ARHGEF33: variants seen among roughly 807,000 people sequenced by gnomAD.
ARHGEF33 encodes the protein Rho guanine nucleotide exchange factor 33.
In ARHGEF33, 72 loss-of-function variants were observed where a neutral mutation model predicts 101.9. The ratio of observed to expected loss-of-function variants is 0.71; its 90% confidence interval spans 0.58 to 0.86. ARHGEF33 has a LOEUF of 0.86. Among genes scored for constraint, ARHGEF33 ranks in the 40% least tolerant of loss-of-function variants. ARHGEF33 has a pLI of 0.00. For missense variants in ARHGEF33, 1,169 were observed against 1,111.3 expected (o/e 1.05, Z -0.74); for synonymous variants, 499 against 442.5 (o/e 1.13, Z -1.60).
intron 2 of ARHGEF33, among the ~76,000 whole-genome samples, chr2:38,916,760 T>C (rs538709461): frequency 6.6e-6 from 1 of 152,262 alleles, no homozygotes; most frequent in Non-Finnish European, 1.5e-5. Flanking sequence ...TAAAGGTCTT[T>C]TTCTTTTGGT....
chr2:38,920,431 G>C (rs1286862897), intron 3 of ARHGEF33, among the ~76,000 whole-genome samples: 2 of 97,514 alleles, frequency 2.1e-5, no homozygotes, highest in Admixed American at 1.6e-4. Flanking sequence ...TTTTGAGACA[G>C]AGTTTCGCTC....
intron 16 of ARHGEF33, among the ~76,000 whole-genome samples, chr2:38,965,617 G>T (rs1353291782): frequency 6.6e-6 from 1 of 152,108 alleles, no homozygotes; most frequent in East Asian, 1.9e-4. Context: ...AGATAAGAGG[G>T]GACTGCTACT....
chr2:38,907,057 G>A (rs1300989224), intron 2 of ARHGEF33, among the ~76,000 whole-genome samples: 2 of 152,150 alleles, frequency 1.3e-5, no homozygotes, highest in Middle Eastern at 3.2e-3. Context: ...GTTGCCCTTT[G>A]AGGGTTGAGC....
At chr2:38,895,723 A>G (rs1666107104) in intron 1 of ARHGEF33, 54 bp from the exon 2 acceptor site, 1 of 152,052 alleles carries the variant, frequency 6.6e-6, no homozygotes, top group African/African-American at 2.4e-5. Flanking sequence ...ATGATGGTAT[A>G]AAATGCAAGG....
intron 2 of ARHGEF33, among the ~76,000 whole-genome samples, chr2:38,918,874 C>G (rs1384756196): frequency 2.0e-4 from 24 of 117,654 alleles, no homozygotes; most frequent in Non-Finnish European, 3.4e-4. Flanking sequence ...GACCCCATCT[C>G]TACAAAAAAA....
At chr2:38,961,411 C>T (rs1667936498) in intron 16 of ARHGEF33, among the ~76,000 whole-genome samples, 1 of 152,116 alleles carries the variant, frequency 6.6e-6, no homozygotes, top group South Asian at 2.1e-4. Context: ...ATTGTGGTGT[C>T]TGCAAGCCTG....
chr2:38,960,398 C>A lies in ARHGEF33; in HGVS notation c.2093C>A (p.Ala698Glu), dbSNP rs1397754156. ...SAYKLEAAAQAHGKAKPLSRS... is the reference protein window; with the variant it reads ...SAYKLEAAAQEHGKAKPLSRS... ...TACAAACTGGAGGCGGCGGCGCAGG[C>A]GCACGGCAAGGCCAAGCCGCTGAGC... The change falls in exon 16 of 18, where the codon GCG (alanine) becomes GAG (glutamate). Residue 698 changes from alanine (A) to glutamate (E), a missense_variant. Physicochemically the swap from Ala to Glu is moderately radical, Grantham distance 107. Coordinates refer to ENST00000409978, the MANE Select transcript of ARHGEF33 (RefSeq NM_001145451.5). The A allele has an allele frequency of 1.3e-6, 2 of 1,509,728 alleles. No individual in the cohort carries two copies. The highest frequency in any genetic ancestry group is 2.5e-5 in the South Asian group (2 of 80,058). 93.5% of individuals were successfully genotyped at this position (1,509,728 alleles called of 1,614,324 possible).
At chr2:38,964,870 A>T (rs998876523) in intron 16 of ARHGEF33, among the ~76,000 whole-genome samples, 4 of 152,090 alleles carry the variant, frequency 2.6e-5, no homozygotes, top group African/African-American at 7.2e-5. Flanking sequence ...AAAGTCTGGG[A>T]TGGGGCTCAA....
At chr2:38,892,994 C>G (rs1225600712) in intron 1 of ARHGEF33, among the ~76,000 whole-genome samples, 2 of 152,132 alleles carry the variant, frequency 1.3e-5, no homozygotes, top group African/African-American at 4.8e-5. Context: ...TAAACATTTT[C>G]AATGACTCAT....
chr2:38,934,449 C>T lies in ARHGEF33; in HGVS notation c.506-1326C>T, dbSNP rs1478794811. ...CTCCCTCCATCCCTCCCCCTTCTATCCCTCCCTCCCCCTTTTCTCTCTTCC... is the reference window on the plus strand; with the variant it reads ...CTCCCTCCATCCCTCCCCCTTCTATTCCTCCCTCCCCCTTTTCTCTCTTCC... On this transcript the variant is annotated intron_variant, in intron 7 of 17. Transcript: ENST00000409978. 6.3e-5 allele frequency among the ~76,000 whole-genome samples: 7 copies of T among 111,888 alleles called. No individual in the cohort carries two copies. In the East Asian group the frequency reaches 2.1e-3, roughly 33 times the overall value. The allele number at this position is 111,888 out of a possible 152,430, so 73.4% of individuals were successfully genotyped here.
At chr2:38,930,857 A>G (rs1666983356) in intron 6 of ARHGEF33, among the ~76,000 whole-genome samples, 1 of 152,248 alleles carries the variant, frequency 6.6e-6, no homozygotes, top group African/African-American at 2.4e-5. Flanking sequence ...CAACAAAAAA[A>G]TAAGAATGTG....
intron 2 of ARHGEF33, among the ~76,000 whole-genome samples, chr2:38,906,418 T>G (rs1666392411): frequency 6.6e-6 from 1 of 152,166 alleles, no homozygotes; most frequent in Non-Finnish European, 1.5e-5. Flanking sequence ...AGCCCCAGCA[T>G]GTTCTGGTCT....
rs548868472 is a variant in ARHGEF33 at position 38,900,299 on chromosome 2, A to G, written c.-86+4450A>G. Among the ~76,000 whole-genome samples the G allele has an allele frequency of 2.6e-5, 4 of 152,334 alleles. No individual in the cohort carries two copies. In the South Asian group the frequency reaches 6.2e-4, roughly 24 times the overall value. ...AATGTAGCAGAAGAGGGATTGACTA[A>G]TTATGACTTAGAGGATAGGGGCAAG... On this transcript the variant is annotated intron_variant, in intron 2 of 17. Coordinates refer to ENST00000409978, the MANE Select transcript of ARHGEF33 (RefSeq NM_001145451.5).
intron 16 of ARHGEF33, among the ~76,000 whole-genome samples, chr2:38,962,018 G>C (rs577846818): frequency 2.4e-4 from 36 of 152,280 alleles, no homozygotes; most frequent in African/African-American, 8.2e-4. Context: ...CTGCCCACCT[G>C]CACTCCAGCA....
chr2:38,918,495 G>A (rs1403074868), intron 2 of ARHGEF33, among the ~76,000 whole-genome samples: 4 of 152,080 alleles, frequency 2.6e-5, no homozygotes, highest in African/African-American at 9.7e-5. Context: ...CTTAAGAAGG[G>A]GTTAAAATGC....
chr2:38,973,877 A>G lies in ARHGEF33; in HGVS notation c.*34A>G, dbSNP rs1393661977. On this transcript the variant is annotated 3_prime_UTR_variant, in exon 18 of 18. Coordinates refer to ENST00000409978, the MANE Select transcript of ARHGEF33 (RefSeq NM_001145451.5). ...TAAAGTTGTATTGTCAAGTGGTAAG[A>G]TGAGGATAAAAAGCTTGTATATATC... is the stretch of plus-strand genomic sequence containing the variant. 2 of 1,514,642 alleles carry G rather than the reference A, an allele frequency of 1.3e-6. No homozygotes were observed. Among genetic ancestry groups the G allele is most frequent in the Non-Finnish European group, 1.8e-6 (2 of 1,129,330 alleles). 93.8% of individuals were successfully genotyped at this position (1,514,642 alleles called of 1,614,324 possible). A position where few individuals can be genotyped will look rare whatever the true frequency, so the allele number is the denominator to read the frequency against.
intron 1 of ARHGEF33, among the ~76,000 whole-genome samples, chr2:38,895,134 T>C (rs1322212626): frequency 6.6e-6 from 1 of 152,104 alleles, no homozygotes; most frequent in Non-Finnish European, 1.5e-5. Context: ...AATCTTCACA[T>C]CCACACTGTG....
At chr2:38,930,868 G>A (rs1666983663) in intron 6 of ARHGEF33, among the ~76,000 whole-genome samples, 1 of 152,166 alleles carries the variant, frequency 6.6e-6, no homozygotes, top group Admixed American at 6.5e-5. Context: ...TAAGAATGTG[G>A]ATGTTATAAT....
In ARHGEF33 at chr2:38,950,988, G is replaced by A. The variant is rs1377748941; in HGVS notation, c.921-1G>A. ...TGATTCCGTCTCTATTCTGTTTCAA[G>A]CCTCTTCCCTGGCTCTTTACGGTAC... On this transcript the variant is annotated splice_acceptor_variant, in intron 10 of 17. Transcript: ENST00000409978. LOFTEE classifies it high-confidence loss of function. The A allele has an allele frequency of 1.3e-6, 2 of 1,551,654 alleles. No homozygotes were observed. The highest frequency in any genetic ancestry group is 1.4e-5 in the African/African-American group (1 of 73,016).
Sources: gnomAD v4.1 joint callset for allele counts (sites outside exome capture counted in the v4.1 genomes callset) on GRCh38, gnomAD v4.1.1 for gene constraint, MANE v1.5 for transcripts, NCBI Gene and HGNC (gene_info 2026-07-23, HGNC 2026-07-21) for gene names.